FRMD6: variants seen among roughly 807,000 people sequenced by gnomAD.
FRMD6 encodes the protein FERM domain containing 6.
A neutral mutation model predicts 73.2 loss-of-function variants in FRMD6; 37 were observed. That is an observed-to-expected ratio of 0.51 (90% confidence interval 0.39 to 0.66). The LOEUF is 0.66. Among genes scored for constraint, FRMD6 ranks in the 30% least tolerant of loss-of-function variants. The probability of loss-of-function intolerance (pLI) is 0.00; values close to 1 mark genes in which losing one functional copy is unlikely to be tolerated. For missense variants in FRMD6, 714 were observed against 780.5 expected, an observed-to-expected ratio of 0.91 and a Z score of 1.02; for synonymous variants, 273 against 282.2, an observed-to-expected ratio of 0.97 and a Z score of 0.33.
At chr14:51,723,772 CAA>C (rs71443192) in intron 12 of FRMD6, among the ~76,000 whole-genome samples, 83 of 138,664 alleles carry the variant, frequency 6.0e-4, no homozygotes, top group Non-Finnish European at 7.8e-4. Context: ...GAGACTCTGT[CAA>C]AAAAAAAAAA....
At chr14:51,657,044 A>T (rs2140133991) in intron 1 of FRMD6, among the ~76,000 whole-genome samples, 1 of 152,346 alleles carries the variant, frequency 6.6e-6, no homozygotes, top group South Asian at 2.1e-4. Context: ...CATGTGAGGG[A>T]GGAAATCATT....
chr14:51,609,236 G>A (rs1029128407), intron 2 of FRMD6, among the ~76,000 whole-genome samples: 2 of 152,162 alleles, frequency 1.3e-5, no homozygotes, highest in Non-Finnish European at 2.9e-5. Context: ...CAAGAGACAG[G>A]TGGCCAAGCT....
At chr14:51,476,201 G>T in the FRMD6 span, among the ~76,000 whole-genome samples, 1 of 152,164 alleles carries the variant, frequency 6.6e-6, no homozygotes, top group Non-Finnish European at 1.5e-5. Flanking sequence ...ACAAGCAGAG[G>T]TGTGTTGCAT....
At chr14:51,542,221 A>G (rs1886236495) in intron 1 of FRMD6, among the ~76,000 whole-genome samples, 1 of 152,030 alleles carries the variant, frequency 6.6e-6, no homozygotes, top group Non-Finnish European at 1.5e-5. Flanking sequence ...CCTAATCACA[A>G]TCTGCTTTCA....
At chr14:51,435,570 C>T in the FRMD6 span, among the ~76,000 whole-genome samples, 1 of 152,138 alleles carries the variant, frequency 6.6e-6, no homozygotes, top group African/African-American at 2.4e-5. Flanking sequence ...GTACAAACTA[C>T]AGATGATCAT....
At chr14:51,658,670 A>G (rs1893007569) in intron 1 of FRMD6, among the ~76,000 whole-genome samples, 1 of 152,216 alleles carries the variant, frequency 6.6e-6, no homozygotes. Context: ...TTCTGACGCT[A>G]AAATCTGTGG....
chr14:51,713,037 G>T (rs1317816393), intron 9 of FRMD6, among the ~76,000 whole-genome samples: 1 of 152,182 alleles, frequency 6.6e-6, no homozygotes, highest in Admixed American at 6.5e-5. Context: ...TATTGAGAAT[G>T]ATACATTTTC....
intron 1 of FRMD6, among the ~76,000 whole-genome samples, chr14:51,513,572 G>A (rs1884443147): frequency 6.6e-6 from 1 of 151,990 alleles, no homozygotes; most frequent in Admixed American, 6.5e-5. Context: ...TGCTCCCAGA[G>A]AAAATGATAC....
At chr14:51,396,482 G>A in the FRMD6 span, among the ~76,000 whole-genome samples, 5 of 151,792 alleles carry the variant, frequency 3.3e-5, no homozygotes, top group Non-Finnish European at 7.4e-5. Flanking sequence ...ACTGTTTATC[G>A]TGATAATCTG....
At chr14:51,440,011 A>C in the FRMD6 span, among the ~76,000 whole-genome samples, 3 of 152,198 alleles carry the variant, frequency 2.0e-5, no homozygotes. Context: ...CATTATGCTA[A>C]TGTATGAAGA....
intron 1 of FRMD6, among the ~76,000 whole-genome samples, chr14:51,490,664 C>A (rs1462544670): frequency 2.0e-5 from 3 of 146,398 alleles, no homozygotes; most frequent in Admixed American, 6.8e-5. Context: ...TCTTTAGTAA[C>A]CTTTACCTAC....
At chr14:51,686,344 G>A (rs1895149362) in intron 1 of FRMD6, among the ~76,000 whole-genome samples, 1 of 151,988 alleles carries the variant, frequency 6.6e-6, no homozygotes, top group Non-Finnish European at 1.5e-5. Flanking sequence ...CATACTTTTA[G>A]GGGTAGTGGA....
chr14:51,610,548 G>A (rs1890451120), intron 2 of FRMD6, among the ~76,000 whole-genome samples: 1 of 152,002 alleles, frequency 6.6e-6, no homozygotes. Flanking sequence ...TTAGAACCAG[G>A]ATCCCCAACA....
At chr14:51,414,658 A>G in the FRMD6 span, among the ~76,000 whole-genome samples, 1 of 152,140 alleles carries the variant, frequency 6.6e-6, no homozygotes, top group African/African-American at 2.4e-5. Context: ...GTTTCATATG[A>G]ACTTTAAAGT....
chr14:51,724,304 G>A (rs779184313), intron 12 of FRMD6: 2 of 152,142 alleles, frequency 1.3e-5, no homozygotes, highest in Non-Finnish European at 2.9e-5. Context: ...TTGGTTAAGT[G>A]TTTTGAGCAT....
At chr14:51,512,003 T>C (rs565123558) in intron 1 of FRMD6, among the ~76,000 whole-genome samples, 1 of 152,326 alleles carries the variant, frequency 6.6e-6, no homozygotes, top group South Asian at 2.1e-4. Flanking sequence ...TTGGTAATAA[T>C]ACTTCATGAT....
At chr14:51,698,256 T>G in intron 3 of FRMD6, 24 bp downstream of exon 3, 5 of 1,528,592 alleles carry the variant, frequency 3.3e-6, no homozygotes, top group Non-Finnish European at 4.5e-6. Context: ...CCCTCTCTGA[T>G]GGATTTAGCC....
At chr14:51,693,655 G>C (rs1272801482) in intron 2 of FRMD6, among the ~76,000 whole-genome samples, 1 of 152,168 alleles carries the variant, frequency 6.6e-6, no homozygotes, top group Non-Finnish European at 1.5e-5. Context: ...GTGAACCCTT[G>C]AGTGTCAGTT....
At chr14:51,400,457 A>G in the FRMD6 span, among the ~76,000 whole-genome samples, 1 of 151,898 alleles carries the variant, frequency 6.6e-6, no homozygotes, top group African/African-American at 2.4e-5. Context: ...CATCATTACT[A>G]TTTTCTCCCC....
Sources: allele counts gnomAD v4.1 joint callset (sites outside exome capture counted in the v4.1 genomes callset), GRCh38; gene constraint gnomAD v4.1.1; transcripts MANE v1.5; gene names NCBI Gene and HGNC (gene_info 2026-07-23, HGNC 2026-07-21).